Variants in TMEM178A observed in about 807,000 individuals in gnomAD.
The protein encoded by TMEM178A is transmembrane protein 178.
In TMEM178A, 12 loss-of-function variants were observed where a neutral mutation model predicts 29.1. The ratio of observed to expected loss-of-function variants is 0.41; its 90% CI spans 0.26 to 0.67. The LOEUF is 0.67. Among genes scored for constraint, TMEM178A ranks in the 30% least tolerant of loss-of-function variants. The probability of loss-of-function intolerance (pLI) is 0.29; values close to 1 mark genes in which losing one functional copy is unlikely to be tolerated. For synonymous variants in TMEM178A, 210 were observed against 187.2 expected, an observed-to-expected ratio of 1.12 and a Z score of -0.99; for missense variants, 366 against 419.1, an observed-to-expected ratio of 0.87 and a Z score of 1.11.
intron 1 of TMEM178A, among the ~76,000 whole-genome samples, chr2:39,693,514 C>A: frequency 6.6e-6 from 1 of 152,164 alleles, no homozygotes; most frequent in Non-Finnish European, 1.5e-5. Flanking sequence ...TCAGGTCTTG[C>A]CTGTGTCTGC....
the TMEM178A span, among the ~76,000 whole-genome samples, chr2:39,729,475 A>G: frequency 2.4e-4 from 36 of 152,322 alleles, no homozygotes; most frequent in Admixed American, 5.9e-4. Context: ...GGAAAATACG[A>G]TAATTCACCA....
intron 3 of TMEM178A, among the ~76,000 whole-genome samples, chr2:39,714,507 T>C (rs1188106324): frequency 6.6e-6 from 1 of 152,192 alleles, no homozygotes; most frequent in Non-Finnish European, 1.5e-5. Context: ...CTTTTGCTCA[T>C]GGTGGGCTAC....
At chr2:39,682,201 T>A (rs893742586) in intron 1 of TMEM178A, among the ~76,000 whole-genome samples, 2 of 152,208 alleles carry the variant, frequency 1.3e-5, no homozygotes, top group African/African-American at 4.8e-5. Flanking sequence ...ACTGGATGAA[T>A]ATATTCATTC....
chr2:39,696,849 A>G (rs1248032949), intron 1 of TMEM178A, among the ~76,000 whole-genome samples: 3 of 152,196 alleles, frequency 2.0e-5, no homozygotes, highest in Non-Finnish European at 4.4e-5. Flanking sequence ...TATCATCATT[A>G]AAGTGGCTCT....
intron 1 of TMEM178A, among the ~76,000 whole-genome samples, chr2:39,693,692 TTC>T (rs1671417925): frequency 6.6e-6 from 1 of 152,208 alleles, no homozygotes; most frequent in Admixed American, 6.5e-5. Context: ...AAATTATATC[TTC>T]TCTTTAGTCT....
At chr2:39,694,136 A>T (rs1276582606) in intron 1 of TMEM178A, among the ~76,000 whole-genome samples, 1 of 146,212 alleles carries the variant, frequency 6.8e-6, no homozygotes, top group Non-Finnish European at 1.5e-5. Flanking sequence ...TTGTTCAGAT[A>T]AAAAAAGTAG....
At chr2:39,671,139 G>C (rs1045949455) in intron 1 of TMEM178A, among the ~76,000 whole-genome samples, 1 of 152,130 alleles carries the variant, frequency 6.6e-6, no homozygotes, top group Non-Finnish European at 1.5e-5. Context: ...AGATATCAAA[G>C]ACAGTGGGTC....
At chr2:39,685,748 A>T (rs1438280591) in intron 1 of TMEM178A, among the ~76,000 whole-genome samples, 1 of 152,182 alleles carries the variant, frequency 6.6e-6, no homozygotes, top group African/African-American at 2.4e-5. Flanking sequence ...ATTAACTAAG[A>T]CTCAGAGACT....
At chr2:39,722,691 A>C (rs1292986322), downstream of TMEM178A, among the ~76,000 whole-genome samples, 1 of 152,198 alleles carries the variant, frequency 6.6e-6, no homozygotes, top group Admixed American at 6.5e-5. Context: ...CAGATAGACT[A>C]TTGGTCTGCT....
intron 1 of TMEM178A, among the ~76,000 whole-genome samples, chr2:39,671,432 T>C (rs1257060258): frequency 6.6e-6 from 1 of 152,196 alleles, no homozygotes; most frequent in African/African-American, 2.4e-5. Flanking sequence ...CAGCACCGTC[T>C]CTCCTTCTTG....
intron 1 of TMEM178A, among the ~76,000 whole-genome samples, chr2:39,686,997 G>C (rs1671108005): frequency 6.7e-6 from 1 of 148,572 alleles, no homozygotes; most frequent in Non-Finnish European, 1.5e-5. Flanking sequence ...GTGTGTGTGT[G>C]TGTGTGTGTG....
intron 3 of TMEM178A, among the ~76,000 whole-genome samples, chr2:39,709,129 G>C (rs78762861): frequency 2.0e-5 from 3 of 152,190 alleles, no homozygotes; most frequent in Admixed American, 2.0e-4. Context: ...ACACCCCACC[G>C]GGGCTGACAC....
intron 1 of TMEM178A, among the ~76,000 whole-genome samples, chr2:39,695,572 A>T (rs1671503975): frequency 6.6e-6 from 1 of 151,856 alleles, no homozygotes; most frequent in South Asian, 2.1e-4. Context: ...TTCTAAAGTT[A>T]GTGATGTAGG....
intron 1 of TMEM178A, among the ~76,000 whole-genome samples, chr2:39,690,391 G>A (rs144323959): frequency 1.3e-5 from 2 of 152,326 alleles, no homozygotes; most frequent in East Asian, 3.9e-4. Context: ...TCAACTCTGG[G>A]ATGCAGAGAA....
intron 1 of TMEM178A, among the ~76,000 whole-genome samples, chr2:39,699,236 A>AG (rs972286874): frequency 7.3e-5 from 11 of 151,698 alleles, no homozygotes; most frequent in African/African-American, 2.4e-4. Flanking sequence ...TCTGTTGGCC[A>AG]GGCTGGTCTT....
the TMEM178A span, among the ~76,000 whole-genome samples, chr2:39,723,460 G>T: frequency 6.6e-6 from 1 of 152,166 alleles, no homozygotes; most frequent in Non-Finnish European, 1.5e-5. Flanking sequence ...TTAATTCTAA[G>T]AGGATGGCAG....
chr2:39,696,615 C>T (rs1181394716), intron 1 of TMEM178A, among the ~76,000 whole-genome samples: 1 of 152,152 alleles, frequency 6.6e-6, no homozygotes, highest in African/African-American at 2.4e-5. Context: ...GTCTGTCTGA[C>T]CGCAAGGTCT....
intron 1 of TMEM178A, among the ~76,000 whole-genome samples, chr2:39,681,802 G>A (rs888689472): frequency 6.6e-6 from 1 of 152,206 alleles, no homozygotes; most frequent in African/African-American, 2.4e-5. Context: ...AAAACTCAGA[G>A]CAGTTTTTAC....
At chr2:39,677,733 T>C (rs761341706) in intron 1 of TMEM178A, among the ~76,000 whole-genome samples, 2 of 152,096 alleles carry the variant, frequency 1.3e-5, no homozygotes, top group Non-Finnish European at 2.9e-5. Context: ...TTTCCTGTGC[T>C]AGGCTCCTCT....
Sources: gnomAD v4.1 joint callset for allele counts (sites outside exome capture counted in the v4.1 genomes callset) on GRCh38, gnomAD v4.1.1 for gene constraint, MANE v1.5 for transcripts, NCBI Gene and HGNC (gene_info 2026-07-23, HGNC 2026-07-21) for gene names.